TMEM120B: variants seen among roughly 807,000 people sequenced by gnomAD.
TMEM120B encodes the protein transmembrane protein 120B.
Under a neutral mutation model 55.5 loss-of-function variants are expected in TMEM120B, and 31 were observed. The ratio of observed to expected loss-of-function variants is 0.56; its 90% confidence interval spans 0.42 to 0.75. The LOEUF is 0.75. Among genes scored for constraint, TMEM120B ranks in the 30% least tolerant of loss-of-function variants. The pLI is 0.00. For missense variants in TMEM120B, 399 were observed against 425.5 expected, an observed-to-expected ratio of 0.94 and a Z score of 0.55; for synonymous variants, 203 against 176.3, an observed-to-expected ratio of 1.15 and a Z score of -1.20.
intron 1 of TMEM120B, among the ~76,000 whole-genome samples, chr12:121,721,362 A>C (rs1894785240): frequency 6.6e-6 from 1 of 151,976 alleles, no homozygotes; most frequent in Non-Finnish European, 1.5e-5. Context: ...TAATTTTTGT[A>C]GAGATGGGGT....
intron 1 of TMEM120B, among the ~76,000 whole-genome samples, chr12:121,729,260 C>T (rs1894952729): frequency 6.6e-6 from 1 of 152,192 alleles, no homozygotes; most frequent in East Asian, 1.9e-4. Context: ...CGTTGGCTCA[C>T]CCTCTGCTCC....
At chr12:121,773,981 G>A (rs113182023) in intron 9 of TMEM120B, among the ~76,000 whole-genome samples, 1,580 of 133,720 alleles carry the variant, frequency 0.012, 31 homozygotes, top group African/African-American at 0.043. Context: ...TTTTTGAGAC[G>A]GAGTCTCACT....
intron 5 of TMEM120B, chr12:121,759,017 G>T (rs1156260925): frequency 1.3e-5 from 13 of 985,304 alleles, no homozygotes; most frequent in Non-Finnish European, 1.2e-5. Context: ...GGCCCACTGG[G>T]ATTTTTTTAT....
At chr12:121,732,091 C>G (rs561830190) in intron 1 of TMEM120B, among the ~76,000 whole-genome samples, 6 of 152,138 alleles carry the variant, frequency 3.9e-5, no homozygotes, top group Admixed American at 6.6e-5. Context: ...GAGCAGAGAT[C>G]GGGCCATTGC....
At chr12:121,713,035 C>A in intron 1 of TMEM120B, 71 bp downstream of exon 1, 1 of 1,325,632 alleles carries the variant, frequency 7.5e-7, no homozygotes, top group Non-Finnish European at 1.0e-6. Flanking sequence ...CTGAGCCCCC[C>A]GGCCCGGGCG....
chr12:121,746,696 G>A (rs374396058), intron 2 of TMEM120B, among the ~76,000 whole-genome samples: 2 of 151,922 alleles, frequency 1.3e-5, no homozygotes, highest in Non-Finnish European at 2.9e-5. Flanking sequence ...GGCTCACGCC[G>A]GTAATCCCAA....
At chr12:121,773,619 C>A in intron 9 of TMEM120B, 106 bp downstream of exon 9, 1 of 824,626 alleles carries the variant, frequency 1.2e-6, no homozygotes, top group Non-Finnish European at 1.8e-6. Context: ...GGAGCCAGGC[C>A]GCTGCCCTTT....
At chr12:121,766,222 A>G (rs1873843634) in intron 6 of TMEM120B, among the ~76,000 whole-genome samples, 1 of 152,094 alleles carries the variant, frequency 6.6e-6, no homozygotes, top group Non-Finnish European at 1.5e-5. Context: ...GGACTTCCTC[A>G]TCGAGATATG....
intron 5 of TMEM120B, among the ~76,000 whole-genome samples, chr12:121,759,165 G>A (rs906374164): frequency 1.4e-5 from 2 of 139,604 alleles, no homozygotes; most frequent in African/African-American, 2.7e-5. Context: ...CACTCCCCTC[G>A]GCCTCCCAAA....
Position 121,770,948 on chromosome 12 carries a change from T to G in TMEM120B, c.593T>G (p.Phe198Cys). Residue 198 changes from phenylalanine (F) to cysteine (C), a missense_variant, in exon 7 of 12, where the codon TTC becomes TGC. Around this residue, in one of 3 missense-constraint regions of TMEM120B, gnomAD observed 260 missense variants for 303.9 expected, o/e 0.86. Transcript: ENST00000449592. ...WWVSHHYVSTFLSGVMLTWPN... is the reference protein window; with the variant it reads ...WWVSHHYVSTCLSGVMLTWPN... ...GTGTCTCACCACTACGTCTCCACATTCCTGTCCGGAGTGATGCTGACCTGG... is the reference window on the plus strand; with the variant it reads ...GTGTCTCACCACTACGTCTCCACATGCCTGTCCGGAGTGATGCTGACCTGG... 1 of 1,614,006 alleles carries G rather than the reference T, an allele frequency of 6.2e-7. No homozygotes were observed. Among genetic ancestry groups the G allele is most frequent in the Non-Finnish European group, 8.5e-7 (1 of 1,179,972 alleles).
chr12:121,744,056 T>C (rs1437225325), intron 2 of TMEM120B, among the ~76,000 whole-genome samples: 1 of 151,254 alleles, frequency 6.6e-6, no homozygotes. Context: ...GTCTCTCTTT[T>C]TTTTTTTTTT....
intron 6 of TMEM120B, among the ~76,000 whole-genome samples, chr12:121,769,862 G>A (rs998523656): frequency 1.3e-5 from 2 of 152,056 alleles, no homozygotes; most frequent in Non-Finnish European, 2.9e-5. Context: ...TGGGAGAGGG[G>A]GCAGATCACA....
intron 5 of TMEM120B, among the ~76,000 whole-genome samples, chr12:121,757,079 T>G (rs1327945918): frequency 6.7e-6 from 1 of 149,416 alleles, no homozygotes; most frequent in Non-Finnish European, 1.5e-5. Context: ...ACATCAGAGG[T>G]CAACATGACT....
intron 1 of TMEM120B, among the ~76,000 whole-genome samples, chr12:121,723,082 A>G (rs1394674908): frequency 6.6e-6 from 1 of 152,036 alleles, no homozygotes; most frequent in East Asian, 1.9e-4. Context: ...TCCTGACCTC[A>G]GGTGATCCGC....
At chr12:121,729,144 G>A (rs540617767) in intron 1 of TMEM120B, among the ~76,000 whole-genome samples, 2 of 152,354 alleles carry the variant, frequency 1.3e-5, no homozygotes, top group Admixed American at 6.5e-5. Flanking sequence ...TTAACCAGAA[G>A]GGGAATGGCT....
intron 6 of TMEM120B, among the ~76,000 whole-genome samples, chr12:121,765,014 G>A (rs1873801691): frequency 6.6e-6 from 1 of 152,076 alleles, no homozygotes; most frequent in African/African-American, 2.4e-5. Flanking sequence ...CCATTCATCA[G>A]ACATTTATTG....
chr12:121,775,556 G>A lies in TMEM120B; in HGVS notation c.907-53G>A, dbSNP rs1874211508. On this transcript the variant is annotated intron_variant, in intron 11 of 11. Coordinates refer to ENST00000449592, the MANE Select transcript of TMEM120B (RefSeq NM_001080825.2). The surrounding 1 kb of genome is among the most constrained non-coding windows in gnomAD (Gnocchi z 4.3). ...GGAGATTCTGGGGTGCTGGGGGCAG[G>A]GGTTCAGCAGGGCAGATGCCCCAGC... 1.3e-5 allele frequency: 20 copies of A among 1,571,592 alleles called. No homozygotes were observed. Among genetic ancestry groups the A allele is most frequent in the Non-Finnish European group, 1.6e-5 (18 of 1,157,318 alleles).
intron 1 of TMEM120B, among the ~76,000 whole-genome samples, chr12:121,737,315 GC>G (rs1872777673): frequency 6.6e-6 from 1 of 152,066 alleles, no homozygotes; most frequent in African/African-American, 2.4e-5. Flanking sequence ...TACCAGCCTG[GC>G]CAAAATGATG....
chr12:121,724,615 GT>G (rs11321046), intron 1 of TMEM120B, among the ~76,000 whole-genome samples: 119,812 of 137,682 alleles, frequency 0.87, 51,928 homozygotes, highest in Middle Eastern at 0.94. Context: ...TAAAAGTTGT[GT>G]TTTTTTTTTT....
Sources: allele counts gnomAD v4.1 joint callset (sites outside exome capture counted in the v4.1 genomes callset), GRCh38; gene constraint gnomAD v4.1.1; regional missense constraint gnomAD v4.1.1; non-coding constraint Gnocchi (gnomAD v3.1); transcripts MANE v1.5; gene names NCBI Gene and HGNC (gene_info 2026-07-23, HGNC 2026-07-21).